The following ANKLE2 variants were observed in gnomAD, a reference collection of about 807,000 sequenced individuals.
The protein encoded by ANKLE2 is ankyrin repeat and LEM domain-containing protein 2.
A neutral mutation model predicts 84.2 loss-of-function variants in ANKLE2; 55 were observed. The ratio of observed to expected loss-of-function variants is 0.65; its 90% confidence interval spans 0.53 to 0.82. ANKLE2 has a LOEUF of 0.82. Among genes scored for constraint, ANKLE2 ranks in the 40% least tolerant of loss-of-function variants. The probability of loss-of-function intolerance (pLI) is 0.00; values close to 1 mark genes in which losing one functional copy is unlikely to be tolerated. For synonymous variants in ANKLE2, 551 were observed against 486.1 expected, an observed-to-expected ratio of 1.13 and a Z score of -1.76; for missense variants, 1,238 against 1,201.9, an observed-to-expected ratio of 1.03 and a Z score of -0.44.
chr12:132,752,342 TAATAAGTA>T (rs1259851317), intron 2 of ANKLE2, among the ~76,000 whole-genome samples: 2 of 151,862 alleles, frequency 1.3e-5, no homozygotes, highest in African/African-American at 4.8e-5. Context: ...CTGTCTCAAA[TAATAAGTA>T]AATAAATAAA....
At position 132,732,781 on chromosome 12, in the gene ANKLE2, G is replaced by A. The variant is rs1167307344; in HGVS notation, c.1891+1604C>T. On this transcript the variant is annotated intron_variant, in intron 10 of 12. Coordinates refer to ENST00000357997, the MANE Select transcript of ANKLE2 (RefSeq NM_015114.3). ...CACTGCGCGTCCTGGTGTCTGATATGCACCGTGTGAAGCTCTCTGCGTCCT... is the reference window on the plus strand; with the variant it reads ...CACTGCGCGTCCTGGTGTCTGATATACACCGTGTGAAGCTCTCTGCGTCCT... 2.8e-4 allele frequency among the ~76,000 whole-genome samples: 36 copies of A among 129,506 alleles called. 3 individuals are homozygous for A. The East Asian group carries it at 2.9e-3, about 10-fold the overall frequency. The allele number at this position is 129,506 out of a possible 152,430, so 85.0% of individuals were successfully genotyped here.
Position 132,737,110 on chromosome 12 carries a change from G to A in ANKLE2, c.1421-45C>T, listed in dbSNP as rs370557224. 1.3e-4 allele frequency: 194 copies of A among 1,544,128 alleles called. 1 individual carries two copies. Among genetic ancestry groups the A allele is most frequent in the South Asian group, 6.1e-4 (50 of 82,302 alleles). On this transcript the variant is annotated intron_variant, in intron 7 of 12. Coordinates refer to ENST00000357997, the MANE Select transcript of ANKLE2 (RefSeq NM_015114.3). The stretch of plus-strand genomic sequence containing the variant: ...CTGGCTGCAGGCTTCCGCCCCCTCC[G>A]CAGGTCAGGCCTGGGTGAGCAGGAC...
chr12:132,741,668 A>T (rs2044125811), intron 6 of ANKLE2, 183 bp from the exon 7 acceptor site: 1 of 674,540 alleles, frequency 1.5e-6, no homozygotes, highest in East Asian at 2.7e-5. Context: ...GTCTAAGGAG[A>T]CAGCTAGGAG....
intron 1 of ANKLE2, chr12:132,757,117 G>C (rs745743330): frequency 2.0e-5 from 3 of 152,238 alleles, no homozygotes; most frequent in Non-Finnish European, 4.4e-5. Flanking sequence ...GCTCTAAGGA[G>C]AAAGACAAAA....
Position 132,748,023 on chromosome 12 carries a change from G to C in ANKLE2, c.1042-3C>G, listed in dbSNP as rs2044275876. The C allele has an allele frequency of 2.5e-6, 4 of 1,596,108 alleles. No homozygotes were observed. Among genetic ancestry groups the C allele is most frequent in the Admixed American group, 1.8e-5 (1 of 54,764 alleles). On this transcript the variant is annotated splice_region_variant and splice_polypyrimidine_tract_variant and intron_variant, in intron 4 of 12. Transcript: ENST00000357997. ...ATCACGTTGTACCTGCACCCTTCCTGAAAGAGAACCGCATGCTCTGAGCTT... is the reference window on the plus strand; with the variant it reads ...ATCACGTTGTACCTGCACCCTTCCTCAAAGAGAACCGCATGCTCTGAGCTT...
At position 132,727,394 on chromosome 12, in the gene ANKLE2, G is replaced by A; in HGVS notation, c.2665C>T (p.Leu889Phe). ...KGRFKSQLPD[L>F]SGPHSYSPGR... ...GGACTGTAGCTGTGAGGGCCACTGA[G>A]ATCTGGCAGCTGAGACTTGAACCTT... Residue 889 changes from leucine to phenylalanine, a missense_variant, in exon 13 of 13, where the codon CTC becomes TTC. Transcript: ENST00000357997. 1 of 1,561,496 alleles carries A rather than the reference G, an allele frequency of 6.4e-7. No individual in the cohort carries two copies. Among genetic ancestry groups the A allele is most frequent in the South Asian group, 1.2e-5 (1 of 84,760 alleles).
intron 10 of ANKLE2, among the ~76,000 whole-genome samples, chr12:132,732,476 C>T (rs867721152): frequency 4.3e-3 from 355 of 83,312 alleles, no homozygotes; most frequent in African/African-American, 0.015. Context: ...TGGTGTCTGA[C>T]ATGCACCGTG....
At chr12:132,733,040 C>G (rs2043919793) in intron 10 of ANKLE2, among the ~76,000 whole-genome samples, 1 of 140,472 alleles carries the variant, frequency 7.1e-6, no homozygotes, top group Non-Finnish European at 1.5e-5. Flanking sequence ...GTCCTGGTGT[C>G]TGATATGCAC....
At chr12:132,737,352 G>A (rs907986918) in intron 7 of ANKLE2, 1 of 350,678 alleles carries the variant, frequency 2.9e-6, no homozygotes, top group Non-Finnish European at 5.2e-6. Context: ...GTAGTTAAAG[G>A]ACTAAGGGGT....
intron 7 of ANKLE2, 70 bp downstream of exon 7, chr12:132,741,349 G>A (rs918909794): frequency 1.2e-5 from 18 of 1,493,676 alleles, no homozygotes; most frequent in Non-Finnish European, 1.6e-5. Flanking sequence ...AAGCTCTGCT[G>A]TGTCCCCCAA....
intron 6 of ANKLE2, chr12:132,741,836 A>G: frequency 8.5e-6 from 4 of 473,358 alleles, no homozygotes; most frequent in South Asian, 6.2e-5. Context: ...TTCCACTTAC[A>G]GGAAGCCTGG....
intron 2 of ANKLE2, among the ~76,000 whole-genome samples, chr12:132,754,105 G>A (rs7967603): frequency 0.29 from 44,539 of 151,976 alleles, 7,657 homozygotes; most frequent in Non-Finnish European, 0.39. Context: ...AGCCAGGCGC[G>A]GTGGCAGGCG....
In ANKLE2 at chr12:132,730,378, A is replaced by T; in HGVS notation, c.1892-108T>A. ...CGTGACCCCAGCAACAGCAACTCTT[A>T]TACCCAAAACCTCCCCACTCCATCC... On this transcript the variant is annotated intron_variant, in intron 10 of 12. Coordinates refer to ENST00000357997, the MANE Select transcript of ANKLE2 (RefSeq NM_015114.3). 3 of 198,038 alleles carry T rather than the reference A, an allele frequency of 1.5e-5. No homozygotes were observed. The South Asian group carries it at 3.0e-4, about 20-fold the overall frequency. The allele number at this position is 198,038 out of a possible 1,614,324, so 12.3% of individuals were successfully genotyped here.
chr12:132,744,258 T>C (rs1410121875), intron 5 of ANKLE2, among the ~76,000 whole-genome samples: 1 of 152,162 alleles, frequency 6.6e-6, no homozygotes, highest in Admixed American at 6.5e-5. Context: ...GTCACCTCAC[T>C]TGGACATCCC....
In ANKLE2 at chr12:132,727,360, T is replaced by C; in HGVS notation, c.2699A>G (p.Asn900Ser). The change falls in exon 13 of 13, where the codon AAC becomes AGC. Residue 900 changes from asparagine to serine, a missense_variant. This residue lies in a region of ANKLE2 where 802 missense variants were observed against 774.5 expected (regional missense o/e 1.04). Transcript: ENST00000357997. ...TGCGGGGTTGCTTCCAGCCACGCTG[T>C]TTCTCCCCGGACTGTAGCTGTGAGG... ...SGPHSYSPGRNSVAGSNPAKP... is the reference protein window; with the variant it reads ...SGPHSYSPGRSSVAGSNPAKP... The C allele has an allele frequency of 5.1e-6, 8 of 1,561,726 alleles. No individual in the cohort carries two copies. The highest frequency in any genetic ancestry group is 1.7e-4 in the Middle Eastern group (1 of 6,014).
At chr12:132,727,996 G>C in intron 12 of ANKLE2, 36 bp downstream of exon 12, 1 of 1,572,246 alleles carries the variant, frequency 6.4e-7, no homozygotes, top group South Asian at 1.2e-5. Flanking sequence ...TCCAAAAGCT[G>C]CCCTGCGGGT....
chr12:132,754,777 G>A lies in ANKLE2; in HGVS notation c.538C>T (p.Pro180Ser). The A allele has an allele frequency of 1.2e-6, 2 of 1,614,104 alleles. No individual in the cohort carries two copies. Among genetic ancestry groups the A allele is most frequent in the Non-Finnish European group, 1.7e-6 (2 of 1,180,028 alleles). The change falls in exon 2 of 13, where the codon CCT (proline) becomes TCT (serine). Residue 180 changes from proline to serine, a missense_variant. Pro to Ser is a moderately conservative substitution (Grantham distance 74, BLOSUM62 -1). Transcript: ENST00000357997. The part of the protein sequence containing the change: ...AVTSKTCSVP[P>S]SDTDTYRAGA... ...GCTCTGTAGGTGTCGGTGTCACTAGGGGGCACCGAGCAGGTCTTGGATGTC... is the reference window on the plus strand; with the variant it reads ...GCTCTGTAGGTGTCGGTGTCACTAGAGGGCACCGAGCAGGTCTTGGATGTC...
Position 132,727,246 on chromosome 12 carries a change from A to G in ANKLE2, c.2813T>C (p.Leu938Pro), listed in dbSNP as rs2043716134. ...RMARLAELAAL is the reference protein window; with the variant it reads ...RMARLAELAAP Reference sequence around the variant, plus strand: ...ACCGAGAGCCCAGCGCCAAGCCTACAGGGCGGCAAGCTCAGCCAGGCGCGC... The same window carrying G: ...ACCGAGAGCCCAGCGCCAAGCCTACGGGGCGGCAAGCTCAGCCAGGCGCGC... The change falls in exon 13 of 13, where the codon CTG becomes CCG. Residue 938 changes from leucine (L) to proline (P), a missense_variant. Physicochemically the swap from Leu to Pro is moderately conservative, Grantham distance 98. Transcript: ENST00000357997. 3 of 1,554,932 alleles carry G rather than the reference A, an allele frequency of 1.9e-6. No individual in the cohort carries two copies. The highest frequency in any genetic ancestry group is 1.4e-5 in the African/African-American group (1 of 73,368).
At chr12:132,745,936 T>C (rs187693676) in intron 5 of ANKLE2, among the ~76,000 whole-genome samples, 21 of 152,346 alleles carry the variant, frequency 1.4e-4, no homozygotes, top group Admixed American at 9.1e-4. Flanking sequence ...GTTGTGTACA[T>C]AGTTATATAC....
Sources: allele counts gnomAD v4.1 joint callset (sites outside exome capture counted in the v4.1 genomes callset), GRCh38; gene constraint gnomAD v4.1.1; regional missense constraint gnomAD v4.1.1; transcripts MANE v1.5; gene names NCBI Gene and HGNC (gene_info 2026-07-23, HGNC 2026-07-21).